Variants in SMARCAD1 observed in about 807,000 individuals in gnomAD.
The protein encoded by SMARCAD1 is SNF2 related chromatin remodeling ATPase with DExD box 1.
Under a neutral mutation model 127.1 loss-of-function variants are expected in SMARCAD1, and 25 were observed. The ratio of observed to expected loss-of-function variants is 0.20; its 90% CI spans 0.14 to 0.27. The LOEUF (loss-of-function observed/expected upper bound fraction) is 0.27, where lower values mean the gene tolerates loss of function less well. SMARCAD1 is among the 10% of genes least tolerant of loss of function. The probability of loss-of-function intolerance (pLI) is 1.00; values close to 1 mark genes in which losing one functional copy is unlikely to be tolerated. For missense variants in SMARCAD1, 807 were observed against 1,206.0 expected (o/e 0.67, Z 4.90); for synonymous variants, 400 against 396.9 (o/e 1.01, Z -0.09).
chr4:94,246,309 C>T (rs1748414086), intron 6 of SMARCAD1, among the ~76,000 whole-genome samples: 1 of 151,866 alleles, frequency 6.6e-6, no homozygotes, highest in South Asian at 2.1e-4. Flanking sequence ...TTAGTAGAAA[C>T]GGTGTTTCAC....
In SMARCAD1 at chr4:94,233,935, C is replaced by T. The variant is rs563816832; in HGVS notation, c.369-19C>T. 60 of 1,612,148 alleles carry T rather than the reference C, an allele frequency of 3.7e-5. No individual in the cohort carries two copies. The highest frequency in any genetic ancestry group is 4.6e-5 in the Non-Finnish European group (54 of 1,178,822). On this transcript the variant is annotated intron_variant, in intron 3 of 23. Coordinates refer to ENST00000354268, the MANE Select transcript of SMARCAD1 (RefSeq NM_020159.5). ...TAATACATTAAAAATGTTTTTTGCT[C>T]CTCTAAAAATATTTTTAGTTCTGAG...
At chr4:94,216,078 C>T (rs1743123081) in intron 2 of SMARCAD1, among the ~76,000 whole-genome samples, 1 of 152,120 alleles carries the variant, frequency 6.6e-6, no homozygotes, top group Non-Finnish European at 1.5e-5. Context: ...GATTAGGTAT[C>T]TCAGGGCCCT....
chr4:94,241,454 C>T (rs111438998), intron 6 of SMARCAD1, among the ~76,000 whole-genome samples: 3,132 of 152,268 alleles, frequency 0.021, 102 homozygotes, highest in African/African-American at 0.071. Context: ...AGGTCCCACT[C>T]TAATGACCTC....
chr4:94,208,025 GGCCCGCTAGGGGGTT>G lies in SMARCAD1; in HGVS notation c.-94_-80del. On this transcript the variant is annotated 5_prime_UTR_variant, in exon 1 of 24. Transcript: ENST00000354268. ...AGCTTCTCTTTGTGGGCGGGCGCGA[GGCCCGCTAGGGGGTT>G]ATACTGGGGAACGTGCCTGCGCGTG... The G allele has an allele frequency of 1.2e-5, 5 of 419,322 alleles. No individual in the cohort carries two copies. The highest frequency in any genetic ancestry group is 8.9e-5 in the South Asian group (5 of 56,420). 26.0% of individuals were successfully genotyped at this position (419,322 alleles called of 1,614,324 possible). A position where few individuals can be genotyped will look rare whatever the true frequency, so the allele number is the denominator to read the frequency against.
rs769726151 is a variant in SMARCAD1 at position 94,250,791 on chromosome 4, A to G, written c.847A>G (p.Thr283Ala). 4 of 1,612,650 alleles carry G rather than the reference A, an allele frequency of 2.5e-6. No individual in the cohort carries two copies. The highest frequency in any genetic ancestry group is 4.5e-5 in the East Asian group (2 of 44,698). Residue 283 changes from threonine (T) to alanine (A), a missense_variant, in exon 8 of 24, where the codon ACA becomes GCA. Transcript: ENST00000354268. ...ACTCAAGGAACATGAATGGATGTAC[A>G]CAGAAGCTTTAGAATCTCTAAAAGT... ...EVLKEHEWMY[T>A]EALESLKVFA...
chr4:94,260,639 A>G (rs1750824938), intron 9 of SMARCAD1, among the ~76,000 whole-genome samples: 1 of 152,176 alleles, frequency 6.6e-6, no homozygotes, highest in African/African-American at 2.4e-5. Flanking sequence ...CTGGCCTGCA[A>G]AAATAATATT....
intron 10 of SMARCAD1, among the ~76,000 whole-genome samples, chr4:94,269,264 A>G (rs1178449916): frequency 6.6e-6 from 1 of 152,174 alleles, no homozygotes; most frequent in Non-Finnish European, 1.5e-5. Context: ...AATTTATTAT[A>G]CTATAGCTAT....
intron 9 of SMARCAD1, among the ~76,000 whole-genome samples, chr4:94,261,157 C>G (rs922391136): frequency 8.6e-5 from 13 of 150,616 alleles, no homozygotes; most frequent in Middle Eastern, 6.9e-3. Context: ...AAAAAAGAAA[C>G]CTGTAATTGC....
rs189611316 is a variant in SMARCAD1, at chr4:94,225,157, A to G, written c.191-962A>G. 3.3e-3 allele frequency among the ~76,000 whole-genome samples: 507 copies of G among 152,314 alleles called. 6 individuals carry two copies. Among genetic ancestry groups the G allele is most frequent in the African/African-American group, 0.012 (481 of 41,574 alleles). ...GTTTTTGAACAGACAGATGATACCA[A>G]TCATACTAGTTTTCTAGAACTGCCA... is the stretch of plus-strand genomic sequence containing the variant. On this transcript the variant is annotated intron_variant, in intron 2 of 23. Transcript: ENST00000354268.
At chr4:94,261,424 T>C (rs765684834) in intron 9 of SMARCAD1, among the ~76,000 whole-genome samples, 1 of 152,232 alleles carries the variant, frequency 6.6e-6, no homozygotes, top group Admixed American at 6.5e-5. Context: ...ATTAGATGAA[T>C]ATTTACCTCT....
chr4:94,217,534 GA>G (rs1226035605), intron 2 of SMARCAD1, among the ~76,000 whole-genome samples: 1 of 152,126 alleles, frequency 6.6e-6, no homozygotes, highest in Non-Finnish European at 1.5e-5. Flanking sequence ...CCAACTGGCA[GA>G]AATTTTGCTT....
chr4:94,254,995 G>T (rs190608169), intron 9 of SMARCAD1, among the ~76,000 whole-genome samples: 6 of 151,974 alleles, frequency 3.9e-5, no homozygotes, highest in African/African-American at 1.4e-4. Context: ...TTAGTTAAAA[G>T]CTATATAATT....
At chr4:94,238,907 G>A (rs1000013299) in intron 5 of SMARCAD1, among the ~76,000 whole-genome samples, 6 of 135,750 alleles carry the variant, frequency 4.4e-5, no homozygotes, top group African/African-American at 1.7e-4. Context: ...CTGTGGCTTA[G>A]GTACTGAGGT....
intron 9 of SMARCAD1, among the ~76,000 whole-genome samples, chr4:94,263,476 ACT>A (rs1417010611): frequency 6.6e-6 from 1 of 152,024 alleles, no homozygotes; most frequent in South Asian, 2.1e-4. Flanking sequence ...ATGCAAATAA[ACT>A]TAGTATTTAA....
intron 2 of SMARCAD1, among the ~76,000 whole-genome samples, chr4:94,209,619 A>C (rs985475614): frequency 1.3e-5 from 2 of 152,224 alleles, no homozygotes; most frequent in Admixed American, 1.3e-4. Flanking sequence ...TAATGATGGC[A>C]GATCCTCTGC....
intron 4 of SMARCAD1, among the ~76,000 whole-genome samples, 180 bp from the exon 5 acceptor site, chr4:94,236,772 A>G (rs966930582): frequency 6.6e-6 from 1 of 152,214 alleles, no homozygotes; most frequent in African/African-American, 2.4e-5. Context: ...CTTAAAATTC[A>G]GACCTTTTAC....
At chr4:94,255,273 T>C (rs894491347) in intron 9 of SMARCAD1, among the ~76,000 whole-genome samples, 13 of 152,044 alleles carry the variant, frequency 8.6e-5, no homozygotes, top group African/African-American at 3.1e-4. Context: ...AATTGGGGAA[T>C]TTCTATTTAC....
intron 23 of SMARCAD1, among the ~76,000 whole-genome samples, chr4:94,287,170 T>G (rs935857522): frequency 6.6e-6 from 1 of 152,200 alleles, no homozygotes; most frequent in African/African-American, 2.4e-5. Context: ...TAAAGCTGTT[T>G]ATATGTGTTT....
chr4:94,281,690 T>C (rs1209668926), intron 21 of SMARCAD1, 100 bp downstream of exon 21: 1 of 809,458 alleles, frequency 1.2e-6, no homozygotes, highest in African/African-American at 1.7e-5. Flanking sequence ...TTGTTGTTTT[T>C]ATGTTTGATT....
Sources: gnomAD v4.1 joint callset for allele counts (sites outside exome capture counted in the v4.1 genomes callset) on GRCh38, gnomAD v4.1.1 for gene constraint, MANE v1.5 for transcripts, NCBI Gene and HGNC (gene_info 2026-07-23, HGNC 2026-07-21) for gene names.